The following SCAI variants were observed in gnomAD, a reference collection of about 807,000 sequenced individuals.
SCAI encodes suppressor of cancer cell invasion.
SCAI carries 24 observed loss-of-function variants against 92.2 expected under a neutral mutation model. The ratio of observed to expected loss-of-function variants is 0.26; its 90% CI spans 0.19 to 0.37. The LOEUF (loss-of-function observed/expected upper bound fraction) is 0.37. Ranked by LOEUF, SCAI falls within the 10% of genes least tolerant of loss-of-function variation. The probability of loss-of-function intolerance (pLI) is 1.00; values close to 1 mark genes in which losing one functional copy is unlikely to be tolerated. For missense variants in SCAI, 450 were observed against 736.2 expected, an observed-to-expected ratio of 0.61 and a Z score of 4.50; for synonymous variants, 261 against 258.6, an observed-to-expected ratio of 1.01 and a Z score of -0.09.
intron 14 of SCAI, among the ~76,000 whole-genome samples, chr9:124,977,669 G>A (rs890135377): frequency 1.3e-5 from 2 of 152,054 alleles, no homozygotes; most frequent in African/African-American, 2.4e-5. Flanking sequence ...GCGAGACCCT[G>A]TCTCAAAACA....
chr9:124,978,598 C>A (rs1247652114), intron 14 of SCAI, among the ~76,000 whole-genome samples: 1 of 152,170 alleles, frequency 6.6e-6, no homozygotes, highest in Non-Finnish European at 1.5e-5. Context: ...GCATCTATTA[C>A]ACTCAAATGC....
At chr9:125,135,185 G>A (rs944880954) in intron 2 of SCAI, among the ~76,000 whole-genome samples, 3 of 152,036 alleles carry the variant, frequency 2.0e-5, no homozygotes, top group Middle Eastern at 3.2e-3. Context: ...AGTTTTAAGG[G>A]GAAAAAGATA....
chr9:124,988,554 A>T lies in SCAI; in HGVS notation c.1326+6380T>A, dbSNP rs144458133. On this transcript the variant is annotated intron_variant, in intron 14 of 17. Coordinates refer to ENST00000336505, the MANE Select transcript of SCAI (RefSeq NM_001144877.3). ...GTATGTGTTACATAAACACACATGC[A>T]TCTATTTCTATATATATGAAAGGAA... 6.1e-3 allele frequency among the ~76,000 whole-genome samples: 934 copies of T among 152,284 alleles called. 8 individuals are homozygous for T. The highest frequency in any genetic ancestry group is 0.02 in the Middle Eastern group (6 of 294).
At chr9:124,982,679 C>CA (rs35467160) in intron 14 of SCAI, among the ~76,000 whole-genome samples, 1,367 of 73,390 alleles carry the variant, frequency 0.019, 16 homozygotes, top group Non-Finnish European at 0.025. Flanking sequence ...GACTCTGTCT[C>CA]AAAAAAAAAA....
intron 3 of SCAI, among the ~76,000 whole-genome samples, chr9:125,035,735 G>A (rs1264364953): frequency 6.6e-6 from 1 of 152,144 alleles, no homozygotes; most frequent in Non-Finnish European, 1.5e-5. Flanking sequence ...TAAAACGTGT[G>A]CTGCCAGTAG....
intron 14 of SCAI, among the ~76,000 whole-genome samples, chr9:124,978,311 C>T (rs747640667): frequency 1.6e-4 from 25 of 152,188 alleles, no homozygotes; most frequent in Non-Finnish European, 2.9e-4. Flanking sequence ...CGTGGTAGCG[C>T]ATGCCTGTAA....
At chr9:124,965,903 C>T (rs552095265) in intron 17 of SCAI, among the ~76,000 whole-genome samples, 3 of 152,140 alleles carry the variant, frequency 2.0e-5, no homozygotes, top group East Asian at 1.9e-4. Context: ...ATGTGAGAAC[C>T]ACTAGAGATC....
At chr9:125,102,123 C>G (rs981503031) in intron 2 of SCAI, among the ~76,000 whole-genome samples, 1 of 152,170 alleles carries the variant, frequency 6.6e-6, no homozygotes, top group Non-Finnish European at 1.5e-5. Context: ...CAGTAACACA[C>G]CCCACGTCGG....
At chr9:125,026,142 G>A (rs1321676915) in intron 6 of SCAI, among the ~76,000 whole-genome samples, 1 of 152,132 alleles carries the variant, frequency 6.6e-6, no homozygotes, top group Non-Finnish European at 1.5e-5. Context: ...AGGCCAAGGC[G>A]GGTGGATCAC....
At chr9:125,048,459 A>G (rs898909520) in intron 3 of SCAI, among the ~76,000 whole-genome samples, 20 of 152,322 alleles carry the variant, frequency 1.3e-4, no homozygotes, top group Middle Eastern at 3.4e-3. Context: ...ATTTATTTCA[A>G]TAACAATAAA....
chr9:125,140,996 T>C (rs946958543), intron 2 of SCAI, among the ~76,000 whole-genome samples: 1 of 152,202 alleles, frequency 6.6e-6, no homozygotes, highest in African/African-American at 2.4e-5. Flanking sequence ...TATACTTATC[T>C]CATTTCAGAC....
Position 124,944,311 on chromosome 9 carries a change from T to C in SCAI, c.*8496A>G, listed in dbSNP as rs1240899161. On this transcript the variant is annotated 3_prime_UTR_variant, in exon 18 of 18. Coordinates refer to ENST00000336505, the MANE Select transcript of SCAI (RefSeq NM_001144877.3). The stretch of plus-strand genomic sequence containing the variant: ...AGTAATAAAAATTCCTTTTTTTTTT[T>C]TTTTTGAGAATGAGTCTTGCTCTGT... The C allele has an allele frequency of 6.6e-6, 1 of 151,492 alleles. No homozygotes were observed. The highest frequency in any genetic ancestry group is 1.5e-5 in the Non-Finnish European group (1 of 67,784). 9.4% of individuals were successfully genotyped at this position (151,492 alleles called of 1,614,324 possible). A position where few individuals can be genotyped will look rare whatever the true frequency, so the allele number is the denominator to read the frequency against.
chr9:124,968,687 T>C, intron 17 of SCAI: 1 of 1,365,508 alleles, frequency 7.3e-7, no homozygotes, highest in Non-Finnish European at 1.0e-6. Context: ...AAGTTCCCGA[T>C]TTCCTCAAAT....
chr9:125,004,511 C>A (rs1394864427), intron 9 of SCAI, among the ~76,000 whole-genome samples: 1 of 149,622 alleles, frequency 6.7e-6, no homozygotes, highest in Non-Finnish European at 1.5e-5. Context: ...GTATTTTTAA[C>A]AGAGATGGGG....
intron 2 of SCAI, among the ~76,000 whole-genome samples, chr9:125,104,787 T>G (rs1834743023): frequency 6.6e-6 from 1 of 151,684 alleles, no homozygotes; most frequent in Non-Finnish European, 1.5e-5. Flanking sequence ...ACACTGGTAA[T>G]GTACTACTAA....
chr9:124,978,144 A>G (rs1404835544), intron 14 of SCAI, among the ~76,000 whole-genome samples: 1 of 152,138 alleles, frequency 6.6e-6, no homozygotes, highest in Non-Finnish European at 1.5e-5. Context: ...ATCTCATAAT[A>G]TTGAAAGAGC....
In SCAI at chr9:125,139,669, T is replaced by A. The variant is rs577795937; in HGVS notation, c.98+2964A>T. 2.0e-5 allele frequency among the ~76,000 whole-genome samples: 3 copies of A among 152,316 alleles called. No homozygotes were observed. The East Asian group carries it at 5.8e-4, about 29-fold the overall frequency. ...AATAAAGGCAATTTTTTTATATGAT[T>A]AGGCTAAAAGTCTGAATGATGTTCA... On this transcript the variant is annotated intron_variant, in intron 2 of 17. Transcript: ENST00000336505.
chr9:124,960,424 T>A (rs117456501), intron 17 of SCAI, among the ~76,000 whole-genome samples: 1 of 152,166 alleles, frequency 6.6e-6, no homozygotes, highest in Admixed American at 6.5e-5. Flanking sequence ...ACAACTGCCA[T>A]GTATTCATCA....
At chr9:125,093,857 C>A (rs1834492991) in intron 2 of SCAI, among the ~76,000 whole-genome samples, 1 of 151,904 alleles carries the variant, frequency 6.6e-6, no homozygotes, top group Non-Finnish European at 1.5e-5. Flanking sequence ...AGCCACCGTG[C>A]CCGGCCGACA....
Sources: allele counts gnomAD v4.1 joint callset (sites outside exome capture counted in the v4.1 genomes callset), GRCh38; gene constraint gnomAD v4.1.1; transcripts MANE v1.5; gene names NCBI Gene and HGNC (gene_info 2026-07-23, HGNC 2026-07-21).